DSE: variants seen among roughly 807,000 people sequenced by gnomAD.
The protein encoded by DSE is dermatan-sulfate epimerase.
A neutral mutation model predicts 84.4 loss-of-function variants in DSE; 36 were observed. The ratio of observed to expected loss-of-function variants is 0.43; its 90% CI spans 0.33 to 0.56. The LOEUF (loss-of-function observed/expected upper bound fraction) is 0.56, where lower values mean the gene tolerates loss of function less well. Among genes scored for constraint, DSE ranks in the 20% least tolerant of loss-of-function variants. The pLI, the probability that DSE is intolerant of heterozygous loss-of-function variation, is 0.06. For synonymous variants in DSE, 410 were observed against 430.1 expected (o/e 0.95, Z 0.58); for missense variants, 862 against 1,169.6 (o/e 0.74, Z 3.84).
Position 116,279,836 on chromosome 6 carries a change from T to C in DSE, c.-54+20869T>C, listed in dbSNP as rs747319952. ...ACCCCATCCAGGCCGCTCATGTTGC[T>C]AACAGTCGGACCAACCGCAGGCGAA... On this transcript the variant is annotated intron_variant, in intron 2 of 3. Transcript: ENST00000430252. 9 of 1,612,970 alleles carry C rather than the reference T, an allele frequency of 5.6e-6. No homozygotes were observed. In the African/African-American group the frequency reaches 1.1e-4, roughly 19 times the overall value.
At chr6:116,350,334 TCTTCTA>T (rs1193625319) in intron 2 of DSE, among the ~76,000 whole-genome samples, 8 of 152,288 alleles carry the variant, frequency 5.3e-5, no homozygotes, top group Admixed American at 1.3e-4. Context: ...AGAGTGGAAA[TCTTCTA>T]CTTCTAACTT....
intron 2 of DSE, among the ~76,000 whole-genome samples, chr6:116,285,763 G>A (rs1193823364): frequency 6.6e-6 from 1 of 152,126 alleles, no homozygotes; most frequent in African/African-American, 2.4e-5. Context: ...CCCAACACCA[G>A]TTATTCAATA....
chr6:116,347,233 T>C (rs1463622342), intron 2 of DSE, among the ~76,000 whole-genome samples: 1 of 152,182 alleles, frequency 6.6e-6, no homozygotes, highest in Non-Finnish European at 1.5e-5. Flanking sequence ...CCCATCAAGC[T>C]ACCAATGACT....
chr6:116,357,531 C>G (rs1283490478), intron 2 of DSE, among the ~76,000 whole-genome samples: 1 of 129,402 alleles, frequency 7.7e-6, no homozygotes, highest in Non-Finnish European at 1.7e-5. Context: ...GACTCCATCT[C>G]AAAAAAAAAA....
At chr6:116,301,035 T>G (rs894310254) in intron 2 of DSE, among the ~76,000 whole-genome samples, 4 of 152,154 alleles carry the variant, frequency 2.6e-5, no homozygotes, top group Non-Finnish European at 5.9e-5. Context: ...AAGATATTAT[T>G]CATATACAAA....
At chr6:116,349,359 T>C (rs772720725) in intron 2 of DSE, among the ~76,000 whole-genome samples, 149 of 152,246 alleles carry the variant, frequency 9.8e-4, no homozygotes, top group Non-Finnish European at 1.7e-3. Flanking sequence ...GATCTCTGTG[T>C]GGTAGGGGAG....
intron 2 of DSE, among the ~76,000 whole-genome samples, chr6:116,414,044 T>C (rs1782545479): frequency 1.3e-5 from 2 of 151,792 alleles, no homozygotes; most frequent in African/African-American, 2.4e-5. Context: ...TGATGGGGAG[T>C]GTACGAGGTG....
chr6:116,317,480 T>A (rs1034007908), intron 2 of DSE, among the ~76,000 whole-genome samples: 2 of 152,250 alleles, frequency 1.3e-5, no homozygotes, highest in African/African-American at 4.8e-5. Flanking sequence ...CTGGTTATTA[T>A]CAGTCTTGTG....
intron 2 of DSE, chr6:116,278,436 A>G (rs1773268985): frequency 6.3e-7 from 1 of 1,583,766 alleles, no homozygotes; most frequent in African/African-American, 1.3e-5. Flanking sequence ...AATAGAAGGC[A>G]TACTCATTGC....
intron 2 of DSE, among the ~76,000 whole-genome samples, chr6:116,403,959 C>G (rs1266316581): frequency 6.6e-6 from 1 of 152,180 alleles, no homozygotes; most frequent in Non-Finnish European, 1.5e-5. Flanking sequence ...TTTACTAAAA[C>G]CTTGATCAGG....
chr6:116,310,740 A>G (rs1368210027), intron 2 of DSE, among the ~76,000 whole-genome samples: 1 of 152,204 alleles, frequency 6.6e-6, no homozygotes, highest in Admixed American at 6.5e-5. Context: ...GTCTACAGCA[A>G]GACTCATATC....
intron 2 of DSE, chr6:116,278,721 GT>G: frequency 1.9e-6 from 3 of 1,614,172 alleles, no homozygotes; most frequent in Non-Finnish European, 2.5e-6. Context: ...TGAGGTCTTG[GT>G]TTCTGCGAAT....
At chr6:116,406,241 G>A (rs1426890557) in intron 2 of DSE, among the ~76,000 whole-genome samples, 1 of 152,128 alleles carries the variant, frequency 6.6e-6, no homozygotes, top group East Asian at 1.9e-4. Flanking sequence ...GTTGTCAGAG[G>A]GAACTGTGCT....
chr6:116,435,683 A>C lies in DSE; in HGVS notation c.1215A>C (p.Ala405=), dbSNP rs761903892. The C allele has an allele frequency of 6.2e-7, 1 of 1,614,138 alleles. No individual in the cohort carries two copies. The highest frequency in any genetic ancestry group is 8.5e-7 in the Non-Finnish European group (1 of 1,179,986). Residue 405 remains alanine, a synonymous_variant, in exon 6 of 6, where the codon GCA becomes GCC. Coordinates refer to ENST00000644252, the MANE Select transcript of DSE (RefSeq NM_013352.4). ...EDWGVVTYGS[A]LPAEINRSFL... ...GGGGTGTCGTGACTTATGGAAGTGC[A>C]CTACCTGCAGAAATCAATAGATCTT...
chr6:116,378,851 A>G (rs1583131664), intron 1 of DSE, among the ~76,000 whole-genome samples: 1 of 152,096 alleles, frequency 6.6e-6, no homozygotes, highest in Non-Finnish European at 1.5e-5. Flanking sequence ...TGGTAGAACC[A>G]GACTGGTAGT....
intron 2 of DSE, among the ~76,000 whole-genome samples, chr6:116,330,996 A>G (rs921502562): frequency 7.9e-5 from 12 of 152,222 alleles, no homozygotes; most frequent in African/African-American, 2.9e-4. Flanking sequence ...AGAATTTATG[A>G]CATTAACAGA....
chr6:116,311,908 T>C (rs938745992), intron 2 of DSE, among the ~76,000 whole-genome samples: 3 of 152,174 alleles, frequency 2.0e-5, no homozygotes, highest in Admixed American at 2.0e-4. Flanking sequence ...GACTTGACAG[T>C]CTTATTTGCC....
chr6:116,393,825 T>G (rs1441636910), intron 1 of DSE, among the ~76,000 whole-genome samples: 1 of 152,220 alleles, frequency 6.6e-6, no homozygotes, highest in African/African-American at 2.4e-5. Flanking sequence ...TCCTTATACT[T>G]TCTCTGTTTT....
rs1784166221 is a variant in DSE at position 116,436,527 on chromosome 6, A to G, written c.2059A>G (p.Ile687Val). The G allele has an allele frequency of 1.9e-6, 3 of 1,614,056 alleles. No homozygotes were observed. Among genetic ancestry groups the G allele is most frequent in the South Asian group, 2.2e-5 (2 of 91,086 alleles). ...AGACTCTCAGCAACTGGATGTGTTCATAGCCACCAGCAAACATGCCTACGC... is the reference window on the plus strand; with the variant it reads ...AGACTCTCAGCAACTGGATGTGTTCGTAGCCACCAGCAAACATGCCTACGC... ...HGDSQQLDVF[I>V]ATSKHAYATY... Residue 687 changes from isoleucine (I) to valine (V), a missense_variant, in exon 6 of 6, where the codon ATA (isoleucine) becomes GTA (valine). By Grantham distance (29) the Ile-to-Val change is conservative. This residue lies in a region of DSE where 315 missense variants were observed against 348.1 expected (regional missense o/e 0.90). Coordinates refer to ENST00000644252, the MANE Select transcript of DSE (RefSeq NM_013352.4).
Sources: gnomAD v4.1 joint callset for allele counts (sites outside exome capture counted in the v4.1 genomes callset) on GRCh38, gnomAD v4.1.1 for gene constraint, gnomAD v4.1.1 regional missense constraint, MANE v1.5 for transcripts, NCBI Gene and HGNC (gene_info 2026-07-23, HGNC 2026-07-21) for gene names.